ELOF1: variants seen among roughly 807,000 people sequenced by gnomAD.
The protein encoded by ELOF1 is elongation factor 1.
In ELOF1, 4 loss-of-function variants were observed where a neutral mutation model predicts 7.1. That is an observed-to-expected ratio of 0.56 (90% CI 0.28 to 1.29). ELOF1 has a LOEUF of 1.29. ELOF1 is among the 50% of genes most tolerant of loss of function. The pLI is 0.10. For synonymous variants in ELOF1, 31 were observed against 31.9 expected (o/e 0.97, Z 0.09); for missense variants, 59 against 86.3 (o/e 0.68, Z 1.25).
In ELOF1 at chr19:11,554,405, C is replaced by T. The variant is rs565423011; in HGVS notation, c.-18-40G>A. On this transcript the variant is annotated intron_variant, in intron 1 of 3. Coordinates refer to ENST00000586683, the Ensembl canonical transcript of ELOF1. ...AGATGTCAGTGGTTTGAGGAAACCA[C>T]GCAGCGCCCCAGCTCAATGCTCTAG... is the stretch of plus-strand genomic sequence containing the variant. The T allele has an allele frequency of 2.1e-4, 337 of 1,596,422 alleles. 3 individuals are homozygous for T. The South Asian group carries it at 2.3e-3, about 11-fold the overall frequency.
chr19:11,553,656 A>ACCCTGGACCCCTGGAATGT (rs1972774095), intron 3 of ELOF1: 4 of 1,479,724 alleles, frequency 2.7e-6, no homozygotes, highest in Non-Finnish European at 3.7e-6. Flanking sequence ...CAGGACCCAC[A>ACCCTGGACCCCTGGAATGT]CCCTGGACCC....
intron 2 of ELOF1, 57 bp downstream of exon 2, chr19:11,554,175 G>A (rs973574124): frequency 6.2e-7 from 1 of 1,613,820 alleles, no homozygotes. Flanking sequence ...GCAGGATGGA[G>A]AACAGCGGGG....
At chr19:11,553,679 T>C in intron 3 of ELOF1, 1 of 1,602,232 alleles carries the variant, frequency 6.2e-7, no homozygotes, top group Non-Finnish European at 8.5e-7. Flanking sequence ...GGAATGTCTC[T>C]GGACCAGAAC....
intron 2 of ELOF1, 40 bp from the exon 3 acceptor site, chr19:11,554,121 C>G: frequency 1.2e-6 from 2 of 1,614,116 alleles, no homozygotes; most frequent in Non-Finnish European, 8.5e-7. Flanking sequence ...AGCAATGCGT[C>G]CTGGGCCTGT....
rs769288429 is a variant in ELOF1, at chr19:11,554,224, C to T, written c.116+8G>A. On this transcript the variant is annotated splice_region_variant and intron_variant, in intron 2 of 3. Transcript: ENST00000586683. The stretch of plus-strand genomic sequence containing the variant: ...GAGGCTGGATCCCTTGCCCTGTTCC[C>T]CACTCACATTTTCACATCACAGGAT... 2 of 1,612,822 alleles carry T rather than the reference C, an allele frequency of 1.2e-6. No homozygotes were observed. The highest frequency in any genetic ancestry group is 2.2e-5 in the East Asian group (1 of 44,830).
At chr19:11,554,287 C>T (rs757437211) in exon 2 of ELOF1, 16 of 1,613,796 alleles carry the variant, frequency 9.9e-6, no homozygotes, top group South Asian at 4.4e-5. Context: ...AACTGGGTCT[C>T]GAGGGTGCCT....
intron 1 of ELOF1, among the ~76,000 whole-genome samples, chr19:11,557,399 C>G (rs1397645819): frequency 6.6e-6 from 1 of 151,782 alleles, no homozygotes; most frequent in Non-Finnish European, 1.5e-5. Flanking sequence ...AGTTGGAGAC[C>G]AGCCTGGCCA....
intron 1 of ELOF1, among the ~76,000 whole-genome samples, chr19:11,558,570 T>C (rs758611458): frequency 1.6e-4 from 24 of 151,812 alleles, no homozygotes; most frequent in Non-Finnish European, 2.6e-4. Context: ...AGTGAGACCC[T>C]TCATCTCTAC....
chr19:11,553,454 C>T, intron 3 of ELOF1: 1 of 579,856 alleles, frequency 1.7e-6, no homozygotes, highest in Non-Finnish European at 3.1e-6. Flanking sequence ...GAGATCAGTT[C>T]AGGCCCCTCA....
chr19:11,554,531 T>C, intron 1 of ELOF1, 166 bp from the exon 2 acceptor site: 3 of 969,506 alleles, frequency 3.1e-6, no homozygotes, highest in Non-Finnish European at 4.5e-6. Flanking sequence ...GACAATTCCC[T>C]GTCCCACTCT....
rs1291828866 is a variant in ELOF1, at chr19:11,554,095, A to G, written c.117-14T>C. 2 of 1,614,218 alleles carry G rather than the reference A, an allele frequency of 1.2e-6. No individual in the cohort carries two copies. The highest frequency in any genetic ancestry group is 3.3e-5 in the Admixed American group (2 of 60,016). ...CGGGCACGGTCCCTGAAACAGACCA[A>G]GAGAAGGGACTGGTGAGCAATGCGT... On this transcript the variant is annotated splice_polypyrimidine_tract_variant and intron_variant, in intron 2 of 3. Coordinates refer to ENST00000586683, the Ensembl canonical transcript of ELOF1.
chr19:11,554,517 G>A, intron 1 of ELOF1, 152 bp from the exon 2 acceptor site: 7 of 1,115,110 alleles, frequency 6.3e-6, no homozygotes, highest in Non-Finnish European at 8.7e-6. Context: ...TCCTGATGCA[G>A]GAGGACAATT....
chr19:11,553,564 A>C (rs951224274), intron 3 of ELOF1: 104 of 712,216 alleles, frequency 1.5e-4, no homozygotes, highest in Non-Finnish European at 2.0e-4. Flanking sequence ...TCACACCCAC[A>C]CCCACACGCA....
chr19:11,553,489 G>A (rs1007569798), intron 3 of ELOF1: 11 of 594,776 alleles, frequency 1.8e-5, no homozygotes, highest in East Asian at 1.1e-4. Context: ...ACACCACCGC[G>A]TACCTGTGAG....
At chr19:11,553,592 C>CT (rs1972770309) in intron 3 of ELOF1, 2 of 281,238 alleles carry the variant, frequency 7.1e-6, no homozygotes, top group African/African-American at 1.5e-4. Flanking sequence ...TACACACACA[C>CT]ACACACACAC....
intron 1 of ELOF1, among the ~76,000 whole-genome samples, chr19:11,558,722 C>G (rs952786230): frequency 6.1e-5 from 9 of 148,688 alleles, no homozygotes; most frequent in African/African-American, 2.2e-4. Flanking sequence ...GCAAGACTCA[C>G]TCTCAAAAAA....
chr19:11,558,558 A>G (rs750643670), intron 1 of ELOF1, among the ~76,000 whole-genome samples: 1 of 151,986 alleles, frequency 6.6e-6, no homozygotes, highest in African/African-American at 2.4e-5. Flanking sequence ...CCTGGGAAAC[A>G]GAGTGAGACC....
At chr19:11,558,528 A>C (rs1972866725) in intron 1 of ELOF1, among the ~76,000 whole-genome samples, 1 of 151,786 alleles carries the variant, frequency 6.6e-6, no homozygotes, top group South Asian at 2.1e-4. Flanking sequence ...GATCGCTTGA[A>C]GCCAGGAGTT....
chr19:11,553,446 G>A (rs1972761240), intron 3 of ELOF1: 6 of 532,732 alleles, frequency 1.1e-5, no homozygotes, highest in Middle Eastern at 4.9e-4. Context: ...AGCCAAGTGA[G>A]ATCAGTTCAG....
Sources: allele counts gnomAD v4.1 joint callset (sites outside exome capture counted in the v4.1 genomes callset), GRCh38; gene constraint gnomAD v4.1.1; transcripts MANE v1.5; gene names NCBI Gene and HGNC (gene_info 2026-07-23, HGNC 2026-07-21).